Variants in MARK4 observed in about 807,000 individuals in gnomAD.
The protein encoded by MARK4 is microtubule affinity regulating kinase 4.
A neutral mutation model predicts 81.5 loss-of-function variants in MARK4; 19 were observed. The ratio of observed to expected loss-of-function variants is 0.23; its 90% CI spans 0.16 to 0.34. The LOEUF is 0.34. MARK4 is among the 10% of genes least tolerant of loss of function. The probability of loss-of-function intolerance (pLI) is 1.00; values close to 1 mark genes in which losing one functional copy is unlikely to be tolerated. For synonymous variants in MARK4, 436 were observed against 439.0 expected, an observed-to-expected ratio of 0.99 and a Z score of 0.08; for missense variants, 772 against 1,058.8, an observed-to-expected ratio of 0.73 and a Z score of 3.76.
At chr19:45,299,940 G>A in intron 16 of MARK4, 85 bp downstream of exon 16, 3 of 1,367,994 alleles carry the variant, frequency 2.2e-6, no homozygotes, top group Non-Finnish European at 3.0e-6. Context: ...CATTAGATGG[G>A]GCCCCAGTCT....
At chr19:45,296,807 T>C (rs1347144620) in intron 14 of MARK4, among the ~76,000 whole-genome samples, 3 of 152,144 alleles carry the variant, frequency 2.0e-5, no homozygotes, top group Admixed American at 6.5e-5. Flanking sequence ...CCCAGCACTT[T>C]GGGAGGCCAA....
At chr19:45,296,938 T>C (rs1178878085) in intron 14 of MARK4, among the ~76,000 whole-genome samples, 1 of 151,396 alleles carries the variant, frequency 6.6e-6, no homozygotes, top group Non-Finnish European at 1.5e-5. Context: ...TAGTCCCAGC[T>C]ACTCAGGAGG....
intron 8 of MARK4, among the ~76,000 whole-genome samples, chr19:45,275,179 T>C (rs1970582573): frequency 6.6e-6 from 1 of 152,090 alleles, no homozygotes; most frequent in South Asian, 2.1e-4. Context: ...GAGAATCACT[T>C]GAACCTGGGA....
rs577413856 is a variant in MARK4 at position 45,276,733 on chromosome 19, C to G, written c.787-1190C>G. Among the ~76,000 whole-genome samples the G allele has an allele frequency of 4.5e-4, 67 of 148,170 alleles. No individual in the cohort carries two copies. The South Asian group carries it at 9.0e-3, about 20-fold the overall frequency. Reference sequence around the variant, plus strand: ...CTCCGCCTCCTGGGTTCAAGTGATTCTCCTGCCTCAGCCTCCCGCGTAGCT... The same window carrying G: ...CTCCGCCTCCTGGGTTCAAGTGATTGTCCTGCCTCAGCCTCCCGCGTAGCT... On this transcript the variant is annotated intron_variant, in intron 8 of 16. Transcript: ENST00000262891.
In MARK4 at chr19:45,305,024, T is replaced by C. The variant is rs1971032236; in HGVS notation, c.*2314T>C. 1 of 152,178 alleles carries C rather than the reference T, an allele frequency of 6.6e-6. No homozygotes were observed. Among genetic ancestry groups the C allele is most frequent in the African/African-American group, 2.4e-5 (1 of 41,358 alleles). The allele number at this position is 152,178 out of a possible 1,614,324, so 9.4% of individuals were successfully genotyped here. On this transcript the variant is annotated 3_prime_UTR_variant, in exon 17 of 17. Transcript: ENST00000262891. ...GTAGGTAGGGTAGAGATGGGCGGGT[T>C]TGTGCTATGTGCAGGGTGGAAGGGA...
At chr19:45,261,896 G>A (rs1430737322) in intron 2 of MARK4, among the ~76,000 whole-genome samples, 2 of 150,910 alleles carry the variant, frequency 1.3e-5, no homozygotes, top group Admixed American at 1.3e-4. Flanking sequence ...TTGCGCCATT[G>A]CACTCCAGCC....
At chr19:45,272,510 C>A (rs987056783) in intron 8 of MARK4, among the ~76,000 whole-genome samples, 1 of 151,892 alleles carries the variant, frequency 6.6e-6, no homozygotes, top group Non-Finnish European at 1.5e-5. Context: ...TTACTGGTTG[C>A]CTGAGGCTGG....
intron 10 of MARK4, among the ~76,000 whole-genome samples, chr19:45,279,425 G>A (rs989448402): frequency 6.6e-6 from 1 of 152,168 alleles, no homozygotes; most frequent in African/African-American, 2.4e-5. Flanking sequence ...GCTGAGGCAC[G>A]AGAATTGCTT....
intron 1 of MARK4, among the ~76,000 whole-genome samples, chr19:45,254,317 C>G (rs1479391940): frequency 6.6e-6 from 1 of 152,182 alleles, no homozygotes; most frequent in African/African-American, 2.4e-5. Context: ...TCGCAGGGGT[C>G]CCTCAGCCAT....
At chr19:45,272,136 A>T (rs1034116720) in intron 8 of MARK4, among the ~76,000 whole-genome samples, 20 of 152,118 alleles carry the variant, frequency 1.3e-4, no homozygotes, top group Non-Finnish European at 2.8e-4. Flanking sequence ...GTTCAAGACC[A>T]GCCTGGGCAA....
chr19:45,290,833 C>A (rs1970811099), intron 13 of MARK4, among the ~76,000 whole-genome samples: 1 of 152,184 alleles, frequency 6.6e-6, no homozygotes, highest in South Asian at 2.1e-4. Context: ...CCCTGGACTC[C>A]AGGGCTGTGC....
intron 13 of MARK4, among the ~76,000 whole-genome samples, chr19:45,290,895 G>A (rs755107841): frequency 3.9e-5 from 6 of 152,190 alleles, no homozygotes; most frequent in South Asian, 2.1e-4. Context: ...AGGGAACCCC[G>A]TGGGGATGGG....
At chr19:45,281,347 C>CCTTTT (rs576947626) in intron 12 of MARK4, among the ~76,000 whole-genome samples, 21 of 140,596 alleles carry the variant, frequency 1.5e-4, no homozygotes, top group African/African-American at 5.3e-4. Context: ...CTGTGCCCAG[C>CCTTTT]CTTTTCTTTT....
rs1021419573 is a variant in MARK4 at position 45,302,713 on chromosome 19, C to T, written c.*3C>T. The T allele has an allele frequency of 6.5e-6, 10 of 1,535,992 alleles. No homozygotes were observed. In the African/African-American group the frequency reaches 1.4e-4, roughly 21 times the overall value. On this transcript the variant is annotated 3_prime_UTR_variant, in exon 17 of 17. Coordinates refer to ENST00000262891, the MANE Select transcript of MARK4 (RefSeq NM_001199867.2). This position sits in a 1 kb window ranked among gnomAD's most constrained non-coding sequence, Gnocchi z 4.9. ...TCTCCAACGACCTCGAGCTCTGAGC[C>T]ACCACGGTCCCAGGGCCCTTACTCT...
chr19:45,254,428 C>T (rs1379163561), intron 1 of MARK4, among the ~76,000 whole-genome samples: 2 of 152,104 alleles, frequency 1.3e-5, no homozygotes, highest in Admixed American at 6.5e-5. Flanking sequence ...GATCGGAGGC[C>T]TTATCTCCAG....
At chr19:45,266,931 A>C (rs1360322453) in intron 7 of MARK4, among the ~76,000 whole-genome samples, 1 of 151,550 alleles carries the variant, frequency 6.6e-6, no homozygotes, top group Non-Finnish European at 1.5e-5. Context: ...ACGGGGTTTC[A>C]CCGTGTTAGC....
intron 7 of MARK4, among the ~76,000 whole-genome samples, chr19:45,267,059 G>A (rs886708678): frequency 1.3e-5 from 2 of 150,754 alleles, no homozygotes; most frequent in African/African-American, 4.9e-5. Context: ...AGAAGGCTTC[G>A]TTTTTATTTT....
intron 16 of MARK4, among the ~76,000 whole-genome samples, chr19:45,300,082 C>T (rs920142129): frequency 2.0e-5 from 3 of 152,242 alleles, no homozygotes; most frequent in Non-Finnish European, 4.4e-5. Flanking sequence ...GGTGCCATGG[C>T]CCAAGCCTGT....
intron 8 of MARK4, among the ~76,000 whole-genome samples, chr19:45,272,349 A>G: frequency 6.6e-6 from 1 of 152,092 alleles, no homozygotes; most frequent in South Asian, 2.1e-4. Flanking sequence ...AAATTAAAAA[A>G]CAAACCCTGC....
Sources: gnomAD v4.1 joint callset for allele counts (sites outside exome capture counted in the v4.1 genomes callset) on GRCh38, gnomAD v4.1.1 for gene constraint, Gnocchi (gnomAD v3.1) non-coding constraint, MANE v1.5 for transcripts, NCBI Gene and HGNC (gene_info 2026-07-23, HGNC 2026-07-21) for gene names.